ECHDC3: variants seen among roughly 807,000 people sequenced by gnomAD.
ECHDC3 encodes enoyl-CoA hydratase domain containing 3, also known as enoyl-CoA hydratase domain-containing protein 3, mitochondrial.
Under a neutral mutation model 17.9 loss-of-function variants are expected in ECHDC3, and 20 were observed. That is an observed-to-expected ratio of 1.12 (90% CI 0.79 to 1.63). The LOEUF is 1.63. Among genes scored for constraint, ECHDC3 ranks in the 40% most tolerant of loss-of-function variants. The pLI is 0.00. For missense variants in ECHDC3, 407 were observed against 357.7 expected, an observed-to-expected ratio of 1.14 and a Z score of -1.11; for synonymous variants, 177 against 149.7, an observed-to-expected ratio of 1.18 and a Z score of -1.33.
In ECHDC3 at chr10:11,742,575, C is replaced by A; in HGVS notation, c.-2C>A. On this transcript the variant is annotated 5_prime_UTR_variant, in exon 1 of 5. Coordinates refer to ENST00000379215, the MANE Select transcript of ECHDC3 (RefSeq NM_024693.5). Reference sequence around the variant, plus strand: ...CTGCGGCGTCTGGCCATCCCGAATGCTATGGCCGCCGTCGCCGTCTTGCGG... The same window carrying A: ...CTGCGGCGTCTGGCCATCCCGAATGATATGGCCGCCGTCGCCGTCTTGCGG... The A allele has an allele frequency of 7.8e-7, 1 of 1,285,090 alleles. No individual in the cohort carries two copies. Among genetic ancestry groups the A allele is most frequent in the Non-Finnish European group, 9.8e-7 (1 of 1,018,164 alleles). The allele number at this position is 1,285,090 out of a possible 1,614,324, so 79.6% of individuals were successfully genotyped here.
At chr10:11,755,046 C>T (rs908815669) in intron 3 of ECHDC3, among the ~76,000 whole-genome samples, 4 of 152,122 alleles carry the variant, frequency 2.6e-5, no homozygotes, top group African/African-American at 9.7e-5. Context: ...GTTGGCTGGG[C>T]GTGGTGGCTC....
In ECHDC3 at chr10:11,758,077, G is replaced by A. The variant is rs573590887; in HGVS notation, c.591+2469G>A. Among the ~76,000 whole-genome samples the A allele has an allele frequency of 2.4e-4, 37 of 152,294 alleles. No homozygotes were observed. The South Asian group carries it at 3.7e-3, about 15-fold the overall frequency. On this transcript the variant is annotated intron_variant, in intron 4 of 4. Coordinates refer to ENST00000379215, the MANE Select transcript of ECHDC3 (RefSeq NM_024693.5). Reference sequence around the variant, plus strand: ...GTTGGGCCTGTCTCACACTGGATAAGACAACATGTATGGGTCACTAGTGCC... The same window carrying A: ...GTTGGGCCTGTCTCACACTGGATAAAACAACATGTATGGGTCACTAGTGCC...
At chr10:11,749,958 G>C (rs564306533) in intron 3 of ECHDC3, among the ~76,000 whole-genome samples, 1 of 151,932 alleles carries the variant, frequency 6.6e-6, no homozygotes, top group African/African-American at 2.4e-5. Flanking sequence ...ACCACATCTG[G>C]CTAATTTTTG....
intron 4 of ECHDC3, among the ~76,000 whole-genome samples, chr10:11,759,121 A>G (rs1335017949): frequency 1.3e-5 from 2 of 152,192 alleles, no homozygotes; most frequent in East Asian, 3.9e-4. Context: ...TGGGAGGCCA[A>G]GGCGGGTGGA....
Position 11,763,802 on chromosome 10 carries a change from G to A in ECHDC3, c.*258G>A. On this transcript the variant is annotated 3_prime_UTR_variant, in exon 5 of 5. Coordinates refer to ENST00000379215, the MANE Select transcript of ECHDC3 (RefSeq NM_024693.5). This position sits in a 1 kb window ranked among gnomAD's most constrained non-coding sequence, Gnocchi z 4.9. Reference sequence around the variant, plus strand: ...AGCTATGGTGGGAAGCCTGGCATTTGGGGTGCTCCTTGCAACGTCTTAAGC... The same window carrying A: ...AGCTATGGTGGGAAGCCTGGCATTTAGGGTGCTCCTTGCAACGTCTTAAGC... The A allele has an allele frequency of 7.9e-7, 1 of 1,260,958 alleles. No individual in the cohort carries two copies. Among genetic ancestry groups the A allele is most frequent in the Non-Finnish European group, 1.0e-6 (1 of 1,001,008 alleles). The allele number at this position is 1,260,958 out of a possible 1,614,324, so 78.1% of individuals were successfully genotyped here.
At chr10:11,747,163 G>A (rs1174611565) in intron 1 of ECHDC3, 186 bp from the exon 2 acceptor site, 5 of 582,352 alleles carry the variant, frequency 8.6e-6, no homozygotes, top group East Asian at 3.9e-5. Flanking sequence ...ATTTCAGGTC[G>A]CCTTTTTCTT....
At chr10:11,749,773 C>CTTTTTTTT (rs869115508) in intron 3 of ECHDC3, among the ~76,000 whole-genome samples, 181 bp downstream of exon 3, 2 of 65,502 alleles carry the variant, frequency 3.1e-5, no homozygotes, top group African/African-American at 1.3e-4. Context: ...TGGTTTAGAC[C>CTTTTTTTT]TTTTTTTTTT....
Position 11,763,606 on chromosome 10 carries a change from A to C in ECHDC3, c.*62A>C. 6.9e-6 allele frequency: 10 copies of C among 1,440,446 alleles called. No homozygotes were observed. Among genetic ancestry groups the C allele is most frequent in the Non-Finnish European group, 9.1e-6 (10 of 1,100,482 alleles). 89.2% of individuals were successfully genotyped at this position (1,440,446 alleles called of 1,614,324 possible). On this transcript the variant is annotated 3_prime_UTR_variant, in exon 5 of 5. Coordinates refer to ENST00000379215, the MANE Select transcript of ECHDC3 (RefSeq NM_024693.5). This position sits in a 1 kb window ranked among gnomAD's most constrained non-coding sequence, Gnocchi z 4.9. ...AGGAGCCCACCTTCCCCTCTGGCCCAGCCACCACTGCCTCTCAGCTTCAAC... is the reference window on the plus strand; with the variant it reads ...AGGAGCCCACCTTCCCCTCTGGCCCCGCCACCACTGCCTCTCAGCTTCAAC...
chr10:11,744,065 C>T (rs1832727345), intron 1 of ECHDC3, among the ~76,000 whole-genome samples: 1 of 152,252 alleles, frequency 6.6e-6, no homozygotes, highest in Non-Finnish European at 1.5e-5. Flanking sequence ...CTTTTCCATG[C>T]TCCTCCTCCC....
At chr10:11,760,594 T>C (rs1355229677) in intron 4 of ECHDC3, among the ~76,000 whole-genome samples, 7 of 152,230 alleles carry the variant, frequency 4.6e-5, no homozygotes, top group Admixed American at 4.6e-4. Flanking sequence ...TTTCGTTGTT[T>C]TTTCTTGTTG....
chr10:11,755,362 G>T (rs75280822), intron 3 of ECHDC3, 46 bp from the exon 4 acceptor site: 59 of 1,397,874 alleles, frequency 4.2e-5, no homozygotes, highest in Admixed American at 1.3e-4. Context: ...CGTTAATGTC[G>T]TGCCTCCCTC....
chr10:11,751,329 G>A (rs1832820438), intron 3 of ECHDC3, among the ~76,000 whole-genome samples: 1 of 152,268 alleles, frequency 6.6e-6, no homozygotes, highest in South Asian at 2.1e-4. Flanking sequence ...GGAGGCCTCT[G>A]ACTCCCTGAA....
intron 4 of ECHDC3, among the ~76,000 whole-genome samples, chr10:11,757,437 C>A (rs142210204): frequency 2.0e-5 from 3 of 152,140 alleles, no homozygotes; most frequent in African/African-American, 7.2e-5. Flanking sequence ...CTTCAGAAAC[C>A]CCATTTCATA....
chr10:11,751,987 T>G (rs1266260313), intron 3 of ECHDC3: 1 of 152,244 alleles, frequency 6.6e-6, no homozygotes, highest in Non-Finnish European at 1.5e-5. Flanking sequence ...AAACAGTACC[T>G]AATTCAGGAA....
At chr10:11,762,603 C>A (rs1471987971) in intron 4 of ECHDC3, among the ~76,000 whole-genome samples, 1 of 152,140 alleles carries the variant, frequency 6.6e-6, no homozygotes, top group African/African-American at 2.4e-5. Flanking sequence ...GAGCTGGGCT[C>A]CCCCGCTCTT....
chr10:11,742,736 G>A lies in ECHDC3; in HGVS notation c.160G>A (p.Asp54Asn). The part of the protein sequence containing the change: ...EPRPTSARQL[D>N]GIRNIVLSNP... ...GCGGCCCACCAGCGCGCGGCAGCTG[G>A]ACGGCATAAGGTCAGCCCCGGGCCG... The change falls in exon 1 of 5, where the codon GAC (aspartate) becomes AAC (asparagine). Residue 54 changes from aspartate (D) to asparagine (N), a missense_variant. Coordinates refer to ENST00000379215, the MANE Select transcript of ECHDC3 (RefSeq NM_024693.5). 2 of 1,234,086 alleles carry A rather than the reference G, an allele frequency of 1.6e-6. No individual in the cohort carries two copies. The highest frequency in any genetic ancestry group is 2.0e-6 in the Non-Finnish European group (2 of 989,188). 76.4% of individuals were successfully genotyped at this position (1,234,086 alleles called of 1,614,324 possible).
intron 4 of ECHDC3, among the ~76,000 whole-genome samples, chr10:11,758,044 G>A (rs1483204013): frequency 6.6e-6 from 1 of 152,090 alleles, no homozygotes; most frequent in Non-Finnish European, 1.5e-5. Flanking sequence ...AACTGGCCTG[G>A]GCAGGAAGTT....
intron 3 of ECHDC3, among the ~76,000 whole-genome samples, chr10:11,753,988 C>T (rs1337680451): frequency 6.6e-6 from 1 of 152,008 alleles, no homozygotes; most frequent in African/African-American, 2.4e-5. Flanking sequence ...ATGATTTTGA[C>T]CAGGCTGGTC....
intron 2 of ECHDC3, among the ~76,000 whole-genome samples, chr10:11,749,153 A>T (rs1832795455): frequency 6.6e-6 from 1 of 152,122 alleles, no homozygotes; most frequent in Admixed American, 6.5e-5. Context: ...GACTCAATAC[A>T]CTCAGGCCAG....
Sources: gnomAD v4.1 joint callset for allele counts (sites outside exome capture counted in the v4.1 genomes callset) on GRCh38, gnomAD v4.1.1 for gene constraint, Gnocchi (gnomAD v3.1) non-coding constraint, MANE v1.5 for transcripts, NCBI Gene and HGNC (gene_info 2026-07-23, HGNC 2026-07-21) for gene names.